The following CYB561A3 variants were observed in gnomAD, a reference collection of about 807,000 sequenced individuals.
The protein encoded by CYB561A3 is cytochrome b561 family member A3.
Under a neutral mutation model 25.3 loss-of-function variants are expected in CYB561A3, and 16 were observed. That is an observed-to-expected ratio of 0.63 (90% CI 0.43 to 0.96). The LOEUF (loss-of-function observed/expected upper bound fraction) is 0.96, where lower values mean the gene tolerates loss of function less well. Among genes scored for constraint, CYB561A3 ranks in the 40% least tolerant of loss-of-function variants. The pLI, the probability that CYB561A3 is intolerant of heterozygous loss-of-function variation, is 0.00. For missense variants in CYB561A3, 219 were observed against 307.5 expected (o/e 0.71, Z 2.15); for synonymous variants, 131 against 129.9 (o/e 1.01, Z -0.06).
At chr11:61,356,153 G>A (rs1041480230) in intron 3 of CYB561A3, 2 of 175,178 alleles carry the variant, frequency 1.1e-5, no homozygotes, top group African/African-American at 4.7e-5. Context: ...CGCTACCTAT[G>A]TTTGCAAATA....
intron 3 of CYB561A3, among the ~76,000 whole-genome samples, chr11:61,355,811 C>G (rs934296360): frequency 1.3e-5 from 2 of 151,404 alleles, no homozygotes; most frequent in African/African-American, 4.9e-5. Context: ...CAGCTCAGGT[C>G]GGGCATGATG....
chr11:61,353,756 C>A, intron 4 of CYB561A3, 28 bp downstream of exon 4: 5 of 1,613,368 alleles, frequency 3.1e-6, no homozygotes, highest in Non-Finnish European at 4.2e-6. Flanking sequence ...CTCTGGGAAC[C>A]TCGAGGAGGA....
intron 3 of CYB561A3, 185 bp downstream of exon 3, chr11:61,356,345 T>C: frequency 1.2e-6 from 1 of 821,116 alleles, no homozygotes; most frequent in South Asian, 1.9e-5. Flanking sequence ...GAAGCCACCC[T>C]TCTGAGATGC....
At chr11:61,355,890 C>T in intron 3 of CYB561A3, 1 of 152,018 alleles carries the variant, frequency 6.6e-6, no homozygotes, top group East Asian at 1.9e-4. Flanking sequence ...GAGATCAAGA[C>T]CATCCTGGCT....
At chr11:61,350,655 C>A (rs749646991) in intron 6 of CYB561A3, 5 of 608,360 alleles carry the variant, frequency 8.2e-6, no homozygotes, top group Non-Finnish European at 1.4e-5. Flanking sequence ...CTAGACTAGC[C>A]CCCAGGCTGG....
chr11:61,357,402 G>A (rs906627208), intron 2 of CYB561A3: 8 of 590,528 alleles, frequency 1.4e-5, no homozygotes, highest in African/African-American at 3.8e-5. Flanking sequence ...AAAAGAGGAA[G>A]CAACAACTCA....
intron 1 of CYB561A3, chr11:61,360,831 AG>A (rs1434987573): frequency 6.6e-6 from 1 of 151,470 alleles, no homozygotes; most frequent in African/African-American, 2.4e-5. Context: ...TACAAAAATT[AG>A]CCGGGCGCGG....
chr11:61,350,649 A>C (rs1857356931), intron 6 of CYB561A3: 1 of 611,412 alleles, frequency 1.6e-6, no homozygotes, highest in Non-Finnish European at 2.8e-6. Context: ...ATCCCACTAG[A>C]CTAGCCCCCA....
At chr11:61,352,937 C>T in intron 5 of CYB561A3, 48 bp downstream of exon 5, 4 of 1,613,800 alleles carry the variant, frequency 2.5e-6, no homozygotes, top group Non-Finnish European at 3.4e-6. Flanking sequence ...TTTTGAAGAC[C>T]CTATTCCCTC....
chr11:61,356,435 A>AAC, intron 3 of CYB561A3, 95 bp downstream of exon 3: 2 of 1,160,526 alleles, frequency 1.7e-6, no homozygotes, highest in Non-Finnish European at 2.3e-6. Context: ...CATAGCCCCA[A>AAC]GCCCAACATT....
rs199598320 is a variant in CYB561A3, at chr11:61,356,656, A to T, written c.58T>A (p.Cys20Ser). 1 of 1,614,216 alleles carries T rather than the reference A, an allele frequency of 6.2e-7. No homozygotes were observed. The highest frequency in any genetic ancestry group is 2.2e-5 in the East Asian group (1 of 44,886). Reference protein sequence around the residue: ...CLLLGSLGSMCILFTIYWMQY... With the variant: ...CLLLGSLGSMSILFTIYWMQY... ...ATCCAGTAGATAGTGAAGAGGATGC[A>T]CATAGAGCCCAGGGACCCCAGCAGC... Residue 20 changes from cysteine to serine, a missense_variant, in exon 3 of 7, where the codon TGC becomes AGC. By Grantham distance (112) the Cys-to-Ser change is moderately radical. Transcript: ENST00000294072.
intron 2 of CYB561A3, chr11:61,357,212 G>A (rs1274318423): frequency 1.2e-5 from 19 of 1,551,354 alleles, no homozygotes; most frequent in Non-Finnish European, 1.7e-5. Context: ...CCCTAGACAG[G>A]AAGGAGTCAG....
chr11:61,351,925 G>A (rs1162881077), intron 5 of CYB561A3: 3 of 152,072 alleles, frequency 2.0e-5, no homozygotes, highest in Non-Finnish European at 2.9e-5. Context: ...TGGCTGGGGG[G>A]ATAAAAGGAG....
intron 2 of CYB561A3, chr11:61,357,223 A>C: frequency 6.4e-7 from 1 of 1,551,498 alleles, no homozygotes; most frequent in Non-Finnish European, 8.7e-7. Context: ...AAGGAGTCAG[A>C]AAAGTTCTTC....
chr11:61,354,348 T>C (rs543597258), intron 3 of CYB561A3: 1 of 245,682 alleles, frequency 4.1e-6, no homozygotes, highest in East Asian at 9.5e-5. Context: ...CAGAGAGAAA[T>C]AAATAAATAA....
At chr11:61,360,261 A>C (rs1466211730) in intron 1 of CYB561A3, 1 of 152,186 alleles carries the variant, frequency 6.6e-6, no homozygotes, top group African/African-American at 2.4e-5. Flanking sequence ...AAACAAAAAA[A>C]CCGTGAAAAC....
At position 61,350,316 on chromosome 11, in the gene CYB561A3, C is replaced by A; in HGVS notation, c.*83G>T. On this transcript the variant is annotated 3_prime_UTR_variant, in exon 7 of 7. Transcript: ENST00000294072. ...GAAGAAAGTCGCCTGCTGAAACCAG[C>A]CGGGAGCCCTGGGAAGAGCAGAGCT... 1 of 1,545,314 alleles carries A rather than the reference C, an allele frequency of 6.5e-7. No individual in the cohort carries two copies. Among genetic ancestry groups the A allele is most frequent in the South Asian group, 1.2e-5 (1 of 84,128 alleles).
Position 61,352,998 on chromosome 11 carries a change from G to C in CYB561A3, c.535C>G (p.Leu179Val), listed in dbSNP as rs1565067166. Residue 179 changes from leucine (L) to valine (V), a missense_variant, in exon 5 of 7, where the codon CTT becomes GTT. Coordinates refer to ENST00000294072, the MANE Select transcript of CYB561A3 (RefSeq NM_153611.6). ...CACTGCACTCACAAACTGAAGAAAAGCTTCTCATTAATGCCCGAAATGACG... is the reference window on the plus strand; with the variant it reads ...CACTGCACTCACAAACTGAAGAAAACCTTCTCATTAATGCCCGAAATGACG... Reference protein sequence around the residue: ...ASVISGINEKLFFSLKNTTRP... With the variant: ...ASVISGINEKVFFSLKNTTRP... 5 of 1,614,148 alleles carry C rather than the reference G, an allele frequency of 3.1e-6. No individual in the cohort carries two copies. Among genetic ancestry groups the C allele is most frequent in the Non-Finnish European group, 3.4e-6 (4 of 1,180,034 alleles).
chr11:61,352,414 C>T (rs1240729987), intron 5 of CYB561A3: 1 of 155,982 alleles, frequency 6.4e-6, no homozygotes, highest in Non-Finnish European at 1.4e-5. Context: ...GTAATCCCAG[C>T]ACTCTGGGAG....
Sources: allele counts gnomAD v4.1 joint callset (sites outside exome capture counted in the v4.1 genomes callset), GRCh38; gene constraint gnomAD v4.1.1; transcripts MANE v1.5; gene names NCBI Gene and HGNC (gene_info 2026-07-23, HGNC 2026-07-21).